MAPT: variants seen among roughly 807,000 people sequenced by gnomAD.
MAPT encodes microtubule-associated protein tau.
Under a neutral mutation model 67.9 loss-of-function variants are expected in MAPT, and 34 were observed. The ratio of observed to expected loss-of-function variants is 0.50; its 90% CI spans 0.38 to 0.67. MAPT has a LOEUF of 0.67. Among genes scored for constraint, MAPT ranks in the 30% least tolerant of loss-of-function variants. The pLI is 0.00. For synonymous variants in MAPT, 456 were observed against 464.5 expected (o/e 0.98, Z 0.23); for missense variants, 881 against 1,115.2 (o/e 0.79, Z 2.99).
intron 9 of MAPT, among the ~76,000 whole-genome samples, chr17:46,005,641 C>T (rs2075361590): frequency 6.6e-6 from 1 of 151,990 alleles, no homozygotes; most frequent in Admixed American, 6.6e-5. Flanking sequence ...TGTGGGATTC[C>T]TTAAAATCGG....
At chr17:45,986,654 G>A (rs2073570261) in intron 5 of MAPT, among the ~76,000 whole-genome samples, 1 of 152,204 alleles carries the variant, frequency 6.6e-6, no homozygotes. Context: ...CATGGAGTGG[G>A]GCTGGTCCCA....
At chr17:45,935,334 A>T (rs528146819) in intron 1 of MAPT, among the ~76,000 whole-genome samples, 1 of 151,896 alleles carries the variant, frequency 6.6e-6, no homozygotes, top group South Asian at 2.1e-4. Context: ...ACCTTTCCTA[A>T]TGCAGTCCTG....
chr17:45,934,573 T>G (rs2067148147), intron 1 of MAPT, among the ~76,000 whole-genome samples: 1 of 152,084 alleles, frequency 6.6e-6, no homozygotes, highest in Non-Finnish European at 1.5e-5. Context: ...ACTGGAGTTT[T>G]GCTAGCTGAC....
chr17:45,932,455 T>C (rs1046788140), intron 1 of MAPT, among the ~76,000 whole-genome samples: 7 of 151,778 alleles, frequency 4.6e-5, no homozygotes, highest in Admixed American at 3.9e-4. Flanking sequence ...CCAGGCATGA[T>C]GGTGGGTGCC....
intron 4 of MAPT, chr17:45,980,041 G>GT (rs2072783068): frequency 6.6e-6 from 1 of 152,338 alleles, no homozygotes; most frequent in African/African-American, 2.4e-5. Context: ...CTTTTCTTCT[G>GT]TAAGTGTCCA....
At chr17:45,946,615 A>AAAAATATATATAT in intron 1 of MAPT, among the ~76,000 whole-genome samples, 11 of 100,400 alleles carry the variant, frequency 1.1e-4, no homozygotes, top group African/African-American at 4.8e-4. Context: ...AAAAAAAAAA[A>AAAAATATATATAT]ATATATATAT....
chr17:45,904,348 T>TATATATTATATATTATATATATATA (rs1568136393), intron 1 of MAPT, among the ~76,000 whole-genome samples: 2 of 82,874 alleles, frequency 2.4e-5, no homozygotes, highest in African/African-American at 1.0e-4. Flanking sequence ...ATATATATAT[T>TATATATTATATATTATATATATATA]ATATATATTA....
chr17:45,937,640 G>GAA, intron 1 of MAPT, among the ~76,000 whole-genome samples: 1 of 134,978 alleles, frequency 7.4e-6, no homozygotes, highest in South Asian at 2.4e-4. Context: ...GAAAAGAAAA[G>GAA]AAAAAAAAAA....
chr17:45,953,545 T>C (rs1355788980), intron 1 of MAPT, among the ~76,000 whole-genome samples: 1 of 152,178 alleles, frequency 6.6e-6, no homozygotes, highest in African/African-American at 2.4e-5. Context: ...AAAGAAAATA[T>C]TGACCCTTGA....
chr17:45,962,192 G>A, intron 1 of MAPT, 129 bp from the exon 2 acceptor site: 2 of 752,000 alleles, frequency 2.7e-6, no homozygotes, highest in South Asian at 3.4e-5. Context: ...GCGGCCAACT[G>A]TTAGAGAGGG....
chr17:45,955,729 C>CTTTTTTT (rs754582955), intron 1 of MAPT, among the ~76,000 whole-genome samples: 2 of 125,390 alleles, frequency 1.6e-5, no homozygotes, highest in African/African-American at 5.2e-5. Flanking sequence ...ACACTCCTTC[C>CTTTTTTT]TTTTTTTTTT....
At chr17:45,967,751 G>A (rs1039691588) in intron 2 of MAPT, among the ~76,000 whole-genome samples, 19 of 152,034 alleles carry the variant, frequency 1.2e-4, no homozygotes, top group African/African-American at 3.9e-4. Context: ...TGCCTTTCTC[G>A]GAGTTCAACA....
chr17:45,915,078 A>T lies in MAPT; in HGVS notation c.-18+20392A>T, dbSNP rs1307679187. The stretch of plus-strand genomic sequence containing the variant: ...TCAGGCATCAGCACACTTGGAAAGG[A>T]TGAAAATATCCGGAAGAAGGGTTCT... On this transcript the variant is annotated intron_variant, in intron 1 of 12. Transcript: ENST00000262410. The surrounding 1 kb of genome is among the most constrained non-coding windows in gnomAD (Gnocchi z 4.4). Among the ~76,000 whole-genome samples the T allele has an allele frequency of 6.6e-6, 1 of 152,194 alleles. No individual in the cohort carries two copies. Among genetic ancestry groups the T allele is most frequent in the East Asian group, 1.9e-4 (1 of 5,200 alleles).
chr17:45,911,603 A>T (rs1051301903), intron 1 of MAPT, among the ~76,000 whole-genome samples: 28 of 151,386 alleles, frequency 1.8e-4, no homozygotes, highest in African/African-American at 6.6e-4. Flanking sequence ...TCTACAAAAA[A>T]TTTTTTAAAA....
intron 2 of MAPT, among the ~76,000 whole-genome samples, chr17:45,966,142 A>G (rs1271383954): frequency 6.6e-6 from 1 of 152,248 alleles, no homozygotes; most frequent in South Asian, 2.1e-4. Context: ...GCTTAGAGTC[A>G]GTTTAAAATA....
intron 1 of MAPT, among the ~76,000 whole-genome samples, chr17:45,950,408 C>T (rs1454598912): frequency 1.3e-5 from 2 of 152,102 alleles, no homozygotes; most frequent in African/African-American, 4.8e-5. Flanking sequence ...TCTTTGGGAG[C>T]AAAAGGGACC....
intron 1 of MAPT, among the ~76,000 whole-genome samples, chr17:45,943,698 GA>G (rs982863477): frequency 8.6e-4 from 131 of 152,228 alleles, no homozygotes; most frequent in African/African-American, 3.1e-3. Flanking sequence ...TGCATTACCC[GA>G]AAGCTGAGAC....
At position 45,983,013 on chromosome 17, in the gene MAPT, T is replaced by C; in HGVS notation, c.434T>C (p.Val145Ala). 3 of 1,461,674 alleles carry C rather than the reference T, an allele frequency of 2.1e-6. No individual in the cohort carries two copies. The highest frequency in any genetic ancestry group is 2.5e-5 in the East Asian group (1 of 40,030). 90.5% of individuals were successfully genotyped at this position (1,461,674 alleles called of 1,614,324 possible). Reference protein sequence around the residue: ...CLGEKEPEAPVPLTASLPQHR... With the variant: ...CLGEKEPEAPAPLTASLPQHR... ...GGGGAGAAAGAGCCAGAAGCTCCCG[T>C]CCCGCTGACCGCGAGCCTTCCTCAG... Residue 145 changes from valine (V) to alanine (A), a missense_variant, in exon 5 of 13, where the codon GTC (valine) becomes GCC (alanine). By Grantham distance (64) the Val-to-Ala change is moderately conservative (BLOSUM62 0). This residue lies in a region of MAPT where 687 missense variants were observed against 766.1 expected (regional missense o/e 0.90). Transcript: ENST00000262410.
chr17:45,899,388 G>A (rs2063477675), intron 1 of MAPT, among the ~76,000 whole-genome samples: 1 of 152,184 alleles, frequency 6.6e-6, no homozygotes, highest in African/African-American at 2.4e-5. Context: ...GTGTCTTTTA[G>A]GAGGCCCTAT....
Sources: gnomAD v4.1 joint callset for allele counts (sites outside exome capture counted in the v4.1 genomes callset) on GRCh38, gnomAD v4.1.1 for gene constraint, gnomAD v4.1.1 regional missense constraint, Gnocchi (gnomAD v3.1) non-coding constraint, MANE v1.5 for transcripts, NCBI Gene and HGNC (gene_info 2026-07-23, HGNC 2026-07-21) for gene names.